Variants in ABCG2 observed in about 807,000 individuals in gnomAD.
The protein encoded by ABCG2 is broad substrate specificity ATP-binding cassette transporter ABCG2.
ABCG2 carries 80 observed loss-of-function variants against 73.5 expected under a neutral mutation model. That is an observed-to-expected ratio of 1.09 (90% CI 0.91 to 1.31). The LOEUF (loss-of-function observed/expected upper bound fraction) is 1.31, where lower values mean the gene tolerates loss of function less well. ABCG2 is among the 50% of genes most tolerant of loss of function. ABCG2 has a pLI of 0.00. For synonymous variants in ABCG2, 269 were observed against 282.4 expected, an observed-to-expected ratio of 0.95 and a Z score of 0.48; for missense variants, 796 against 786.2, an observed-to-expected ratio of 1.01 and a Z score of -0.15.
In ABCG2 at chr4:88,095,576, T is replaced by C. The variant is rs149392546; in HGVS notation, c.1681A>G (p.Ile561Val). 3 of 1,613,816 alleles carry C rather than the reference T, an allele frequency of 1.9e-6. No individual in the cohort carries two copies. Among genetic ancestry groups the C allele is most frequent in the South Asian group, 2.2e-5 (2 of 91,076 alleles). Reference sequence around the variant, plus strand: ...TGAAGCCATGACAGCCAAGATGCAATGGTTGTGAGATTGACCAACAGACCT... The same window carrying C: ...TGAAGCCATGACAGCCAAGATGCAACGGTTGTGAGATTGACCAACAGACCT... ...FSGLLVNLTT[I>V]ASWLSWLQYF... The change falls in exon 14 of 16, where the codon ATT (isoleucine) becomes GTT (valine). Residue 561 changes from isoleucine to valine, a missense_variant. Physicochemically the swap from Ile to Val is conservative, Grantham distance 29. Coordinates refer to ENST00000237612, the MANE Select transcript of ABCG2 (RefSeq NM_004827.3).
At chr4:88,151,209 G>T (rs951972922) in intron 1 of ABCG2, among the ~76,000 whole-genome samples, 2 of 152,168 alleles carry the variant, frequency 1.3e-5, no homozygotes, top group African/African-American at 4.8e-5. Flanking sequence ...CCACCAAATT[G>T]GCACTGTGGG....
intron 1 of ABCG2, among the ~76,000 whole-genome samples, chr4:88,167,521 C>T (rs1180989543): frequency 2.0e-5 from 3 of 151,952 alleles, no homozygotes; most frequent in African/African-American, 7.3e-5. Context: ...TACAGGCATG[C>T]GTCACCATGC....
chr4:88,207,637 T>C (rs1183869620), intron 1 of ABCG2, among the ~76,000 whole-genome samples: 4 of 152,158 alleles, frequency 2.6e-5, no homozygotes, highest in Non-Finnish European at 5.9e-5. Flanking sequence ...CTCGAACTCC[T>C]GCATTCAAGC....
chr4:88,175,369 A>G (rs1727915614), intron 1 of ABCG2, among the ~76,000 whole-genome samples: 2 of 152,208 alleles, frequency 1.3e-5, no homozygotes, highest in Admixed American at 6.5e-5. Flanking sequence ...TACTAGACCC[A>G]TTAAGTATTT....
At chr4:88,140,279 T>C (rs1356989618) in intron 1 of ABCG2, among the ~76,000 whole-genome samples, 1 of 151,820 alleles carries the variant, frequency 6.6e-6, no homozygotes, top group Non-Finnish European at 1.5e-5. Flanking sequence ...ATAGGAAGAG[T>C]ATGAAAATTA....
chr4:88,171,228 C>G (rs1161148746), intron 1 of ABCG2, among the ~76,000 whole-genome samples: 1 of 148,710 alleles, frequency 6.7e-6, no homozygotes, highest in Non-Finnish European at 1.5e-5. Context: ...ACGAGTTTAC[C>G]TATACAACAA....
Position 88,115,256 on chromosome 4 carries a change from C to CTCTCTCTCTCTA in ABCG2, c.842-199_842-198insTAGAGAGAGAGA, listed in dbSNP as rs1309360818. On this transcript the variant is annotated intron_variant, in intron 7 of 15. Transcript: ENST00000237612. ...AGTCTCTCTCTCTCTCTCTCTCTCT[C>CTCTCTCTCTCTA]TATATATATATATATATATATATAT... is the stretch of plus-strand genomic sequence containing the variant. Among the ~76,000 whole-genome samples, 19 of 69,868 alleles carry CTCTCTCTCTCTA rather than the reference C, an allele frequency of 2.7e-4. 1 individual carries two copies. The highest frequency in any genetic ancestry group is 4.7e-4 in the Non-Finnish European group (18 of 38,048). The allele number at this position is 69,868 out of a possible 152,430, so 45.8% of individuals were successfully genotyped here.
intron 6 of ABCG2, among the ~76,000 whole-genome samples, chr4:88,120,984 T>C (rs1204697181): frequency 1.3e-5 from 2 of 152,220 alleles, no homozygotes; most frequent in Non-Finnish European, 2.9e-5. Flanking sequence ...CCAAAATCAC[T>C]GTTCAAAACT....
intron 1 of ABCG2, among the ~76,000 whole-genome samples, chr4:88,194,508 C>T (rs899330192): frequency 5.0e-5 from 6 of 119,214 alleles, no homozygotes; most frequent in African/African-American, 2.0e-4. Context: ...CGAGATCTGG[C>T]CACTGCACTC....
chr4:88,223,647 G>A (rs1389097932), intron 1 of ABCG2: 1 of 152,432 alleles, frequency 6.6e-6, no homozygotes, highest in Non-Finnish European at 1.5e-5. Flanking sequence ...ATAGCAGTGT[G>A]AGAATGGACT....
chr4:88,216,261 G>C (rs934453091), intron 1 of ABCG2, among the ~76,000 whole-genome samples: 1 of 152,204 alleles, frequency 6.6e-6, no homozygotes, highest in Non-Finnish European at 1.5e-5. Flanking sequence ...CTGGAGACTT[G>C]AAAACAACTA....
intron 1 of ABCG2, among the ~76,000 whole-genome samples, chr4:88,219,914 A>G (rs1441379428): frequency 6.6e-6 from 1 of 151,958 alleles, no homozygotes; most frequent in Non-Finnish European, 1.5e-5. Flanking sequence ...AAGTATATTC[A>G]TTGCTGTGCA....
chr4:88,159,334 G>T (rs547464300), upstream of ABCG2: 2 of 400,430 alleles, frequency 5.0e-6, no homozygotes, highest in African/African-American at 4.2e-5. Context: ...GTGGTTTCTG[G>T]TGAATGGGAT....
At chr4:88,109,021 G>GAC (rs2109998426) in intron 9 of ABCG2, among the ~76,000 whole-genome samples, 1 of 134,410 alleles carries the variant, frequency 7.4e-6, no homozygotes, top group South Asian at 2.4e-4. Context: ...TTTTTTTTGA[G>GAC]ACAGTCTCGC....
intron 2 of ABCG2, 129 bp downstream of exon 2, chr4:88,139,664 T>G (rs986728939): frequency 1.4e-6 from 1 of 712,258 alleles, no homozygotes; most frequent in African/African-American, 1.8e-5. Flanking sequence ...AATGAAAGCA[T>G]GTGTCTGTAT....
At chr4:88,195,385 C>T (rs1038991076) in intron 1 of ABCG2, among the ~76,000 whole-genome samples, 2 of 152,118 alleles carry the variant, frequency 1.3e-5, no homozygotes, top group East Asian at 1.9e-4. Flanking sequence ...GGGTTTGTTC[C>T]GGGCTATCCA....
chr4:88,118,183 A>G lies in ABCG2; in HGVS notation c.767T>C (p.Leu256Pro). Reference sequence around the variant, plus strand: ...AAGTCTTCCTGAGGCCAATAAGGTGAGGCTATCAAACAACTTGAAGATGGA... The same window carrying G: ...AAGTCTTCCTGAGGCCAATAAGGTGGGGCTATCAAACAACTTGAAGATGGA... ...RYSIFKLFDS[L>P]TLLASGRLMF... The change falls in exon 7 of 16, where the codon CTC (leucine) becomes CCC (proline). Residue 256 changes from leucine (L) to proline (P), a missense_variant. Transcript: ENST00000237612. 6.2e-7 allele frequency: 1 copy of G among 1,614,176 alleles called. No homozygotes were observed. The highest frequency in any genetic ancestry group is 2.2e-5 in the East Asian group (1 of 44,878).
intron 1 of ABCG2, among the ~76,000 whole-genome samples, chr4:88,164,966 T>TG (rs11383890): frequency 0.39 from 59,752 of 151,856 alleles, 13,193 homozygotes; most frequent in East Asian, 0.66. Flanking sequence ...TTAGTAGAGA[T>TG]GGGGTCTCAC....
At chr4:88,115,681 G>T (rs1723528728) in intron 7 of ABCG2, among the ~76,000 whole-genome samples, 1 of 151,606 alleles carries the variant, frequency 6.6e-6, no homozygotes, top group Non-Finnish European at 1.5e-5. Flanking sequence ...GATTTGCAGG[G>T]CATTTTGCAT....
Sources: allele counts gnomAD v4.1 joint callset (sites outside exome capture counted in the v4.1 genomes callset), GRCh38; gene constraint gnomAD v4.1.1; transcripts MANE v1.5; gene names NCBI Gene and HGNC (gene_info 2026-07-23, HGNC 2026-07-21).